The following XG variants were observed in gnomAD, a reference collection of about 807,000 sequenced individuals.
XG encodes the protein glycoprotein Xg.
A neutral mutation model predicts 25.7 loss-of-function variants in XG; 24 were observed. The ratio of observed to expected loss-of-function variants is 0.93; its 90% CI spans 0.68 to 1.31. The LOEUF (loss-of-function observed/expected upper bound fraction) is 1.31, where lower values mean the gene tolerates loss of function less well. Among genes scored for constraint, XG ranks in the 40% most tolerant of loss-of-function variants. The pLI is 0.00. For missense variants in XG, 181 were observed against 187.6 expected (o/e 0.96, Z 0.21); for synonymous variants, 77 against 69.2 (o/e 1.11, Z -0.56).
chrX:2,785,773 A>C (rs2086777718), intron 4 of XG, among the ~76,000 whole-genome samples: 1 of 111,497 alleles, frequency 9.0e-6, no homozygotes, highest in Non-Finnish European at 1.9e-5. Flanking sequence ...CTAGATTCCC[A>C]AGTGTGTATC....
chrX:2,793,911 A>T (rs938358453), intron 5 of XG, among the ~76,000 whole-genome samples: 5 of 111,075 alleles, frequency 4.5e-5, no homozygotes, highest in African/African-American at 1.6e-4. Context: ...AAGAGGAGCC[A>T]TCTGGAGAGA....
intron 4 of XG, among the ~76,000 whole-genome samples, chrX:2,783,017 G>A (rs1364359299): frequency 9.0e-6 from 1 of 111,296 alleles, no homozygotes; most frequent in Non-Finnish European, 1.9e-5. Context: ...GATGGAGTTG[G>A]TTAGGTCTGA....
intron 1 of XG, among the ~76,000 whole-genome samples, chrX:2,753,483 A>G (rs2050373842): frequency 6.6e-6 from 1 of 152,196 alleles, no homozygotes; most frequent in Admixed American, 6.5e-5. Context: ...ATGGTTTGAC[A>G]TGATGGTTCA....
chrX:2,792,517 TTTTCTTTTTC>T (rs1441278981), intron 5 of XG, among the ~76,000 whole-genome samples: 6 of 99,931 alleles, frequency 6.0e-5, no homozygotes, highest in African/African-American at 1.1e-4. Context: ...TCTTTTTTCT[TTTTCTTTTTC>T]TTTCTTTTTC....
At chrX:2,779,170 G>A (rs920757279) in intron 3 of XG, among the ~76,000 whole-genome samples, 14 of 151,446 alleles carry the variant, frequency 9.2e-5, no homozygotes, top group African/African-American at 3.4e-4. Context: ...CTCAGAGTTA[G>A]GAGGTTTTTC....
At chrX:2,783,700 C>G (rs1344340175) in intron 4 of XG, among the ~76,000 whole-genome samples, 1 of 112,794 alleles carries the variant, frequency 8.9e-6, no homozygotes, top group Non-Finnish European at 1.9e-5. Flanking sequence ...TCAGGCCGGG[C>G]GTGGGGGCTC....
chrX:2,760,816 C>A (rs114441755), intron 1 of XG, among the ~76,000 whole-genome samples: 1,571 of 151,158 alleles, frequency 0.01, 28 homozygotes, highest in African/African-American at 0.036. Context: ...GGACTGCAGA[C>A]CTTATAAAAA....
chrX:2,795,763 A>G (rs1234324020), intron 6 of XG, among the ~76,000 whole-genome samples: 4 of 110,347 alleles, frequency 3.6e-5, no homozygotes, highest in African/African-American at 1.3e-4. Context: ...GGTTCAAGTG[A>G]TGTTCTGCCT....
At chrX:2,801,381 T>C (rs1255477755) in intron 7 of XG, among the ~76,000 whole-genome samples, 1 of 110,139 alleles carries the variant, frequency 9.1e-6, no homozygotes, top group Non-Finnish European at 1.9e-5. Context: ...TCTGAAAAAG[T>C]TGGGAGGTTG....
At chrX:2,774,085 G>A (rs1411464435) in intron 2 of XG, among the ~76,000 whole-genome samples, 11 of 151,968 alleles carry the variant, frequency 7.2e-5, no homozygotes, top group South Asian at 2.1e-4. Flanking sequence ...TTTCAAATAC[G>A]GTGTTTCCTC....
chrX:2,766,711 C>T (rs1202744828), intron 1 of XG, among the ~76,000 whole-genome samples: 2 of 150,778 alleles, frequency 1.3e-5, no homozygotes, highest in African/African-American at 2.4e-5. Context: ...ACTACAGGCG[C>T]CCGCCACCAC....
At chrX:2,761,032 G>A (rs2050554155) in intron 1 of XG, among the ~76,000 whole-genome samples, 1 of 152,072 alleles carries the variant, frequency 6.6e-6, no homozygotes, top group Admixed American at 6.5e-5. Flanking sequence ...TATGGCAGCA[G>A]CCACAGTGGA....
At chrX:2,757,962 A>C (rs1387213353) in intron 1 of XG, among the ~76,000 whole-genome samples, 1 of 121,058 alleles carries the variant, frequency 8.3e-6, no homozygotes, top group African/African-American at 3.4e-5. Context: ...ACAGAGTAAG[A>C]CTCCATCTCA....
intron 3 of XG, among the ~76,000 whole-genome samples, chrX:2,781,190 T>C (rs889386030): frequency 2.6e-5 from 4 of 151,944 alleles, no homozygotes; most frequent in African/African-American, 9.7e-5. Flanking sequence ...CCGAGAGTTT[T>C]TCCCAGGACT....
chrX:2,757,928 T>C (rs1358485693), intron 1 of XG, among the ~76,000 whole-genome samples: 2 of 128,230 alleles, frequency 1.6e-5, no homozygotes, highest in African/African-American at 6.1e-5. Flanking sequence ...GCTGAGATCA[T>C]ACCACTGCAC....
intron 7 of XG, among the ~76,000 whole-genome samples, chrX:2,800,051 G>A (rs1603457811): frequency 9.0e-6 from 1 of 111,588 alleles, no homozygotes; most frequent in African/African-American, 3.3e-5. Flanking sequence ...CCATTGATGG[G>A]AACCTAGGCT....
intron 9 of XG, among the ~76,000 whole-genome samples, chrX:2,809,788 A>G (rs1276234480): frequency 9.0e-6 from 1 of 111,561 alleles, no homozygotes; most frequent in African/African-American, 3.3e-5. Context: ...TTTAGGTGGA[A>G]TGGCTCATCT....
At chrX:2,777,608 T>C (rs967579933) in intron 3 of XG, among the ~76,000 whole-genome samples, 2 of 151,366 alleles carry the variant, frequency 1.3e-5, no homozygotes, top group African/African-American at 2.4e-5. Flanking sequence ...TAAAAAAAAA[T>C]AATAAATTAA....
intron 1 of XG, among the ~76,000 whole-genome samples, chrX:2,766,557 CTTTTT>C (rs1177391752): frequency 0.34 from 30,118 of 89,658 alleles, 5,385 homozygotes; most frequent in South Asian, 0.59. Flanking sequence ...CTTATGGCCA[CTTTTT>C]TTTTTTTTTT....
Sources: allele counts gnomAD v4.1 joint callset (sites outside exome capture counted in the v4.1 genomes callset), GRCh38; gene constraint gnomAD v4.1.1; transcripts MANE v1.5; gene names NCBI Gene and HGNC (gene_info 2026-07-23, HGNC 2026-07-21).